RAB38: variants seen among roughly 807,000 people sequenced by gnomAD.
RAB38 encodes ras-related protein Rab-38.
A neutral mutation model predicts 18.4 loss-of-function variants in RAB38; 15 were observed. That is an observed-to-expected ratio of 0.82 (90% CI 0.55 to 1.26). The LOEUF is 1.26. RAB38 is among the 50% of genes most tolerant of loss of function. The pLI is 0.00. For missense variants in RAB38, 294 were observed against 267.4 expected, an observed-to-expected ratio of 1.10 and a Z score of -0.69; for synonymous variants, 101 against 104.4, an observed-to-expected ratio of 0.97 and a Z score of 0.20.
the RAB38 span, among the ~76,000 whole-genome samples, chr11:88,043,539 C>T: frequency 6.6e-6 from 1 of 152,166 alleles, no homozygotes; most frequent in African/African-American, 2.4e-5. Context: ...GAGGACATTA[C>T]CTTGTGAAAT....
chr11:87,977,368 A>T, the RAB38 span, among the ~76,000 whole-genome samples: 3 of 80,178 alleles, frequency 3.7e-5, no homozygotes, highest in Non-Finnish European at 7.3e-5. Flanking sequence ...GTATATTATA[A>T]AATTATATTA....
At chr11:88,036,013 T>C in the RAB38 span, among the ~76,000 whole-genome samples, 1 of 152,148 alleles carries the variant, frequency 6.6e-6, no homozygotes, top group African/African-American at 2.4e-5. Context: ...AAATTAAAAT[T>C]AAAATCCAGG....
At chr11:87,977,726 T>C in the RAB38 span, among the ~76,000 whole-genome samples, 1 of 80,834 alleles carries the variant, frequency 1.2e-5, no homozygotes, top group Admixed American at 2.2e-4. Context: ...ATATATTATA[T>C]GACATATGTT....
intron 2 of RAB38, among the ~76,000 whole-genome samples, chr11:88,121,737 T>C (rs1942631926): frequency 6.6e-6 from 1 of 152,194 alleles, no homozygotes; most frequent in Non-Finnish European, 1.5e-5. Context: ...TAATTTTTTG[T>C]ATTTTTAGTA....
the RAB38 span, among the ~76,000 whole-genome samples, chr11:87,869,317 GTAT>G: frequency 0.26 from 39,799 of 151,148 alleles, 7,149 homozygotes; most frequent in African/African-American, 0.51. Flanking sequence ...CATGTGGTGA[GTAT>G]TATTATCCTA....
the RAB38 span, among the ~76,000 whole-genome samples, chr11:88,043,733 G>A: frequency 5.9e-5 from 9 of 151,932 alleles, no homozygotes; most frequent in African/African-American, 2.2e-4. Flanking sequence ...CCTGCACCCA[G>A]GTGAAATAAA....
intron 1 of RAB38, among the ~76,000 whole-genome samples, chr11:88,155,248 C>T (rs1943111099): frequency 6.6e-6 from 1 of 152,300 alleles, no homozygotes; most frequent in Admixed American, 6.5e-5. Flanking sequence ...GAGCTCAGAC[C>T]ACTGTGCGTT....
At chr11:87,866,464 C>T in the RAB38 span, among the ~76,000 whole-genome samples, 1 of 151,686 alleles carries the variant, frequency 6.6e-6, no homozygotes, top group Non-Finnish European at 1.5e-5. Context: ...GTCAATCCTA[C>T]TTTGACTCTA....
At chr11:87,906,870 A>C in the RAB38 span, among the ~76,000 whole-genome samples, 1 of 151,930 alleles carries the variant, frequency 6.6e-6, no homozygotes, top group Non-Finnish European at 1.5e-5. Context: ...TTTTACACCT[A>C]CTAATACAAT....
chr11:88,142,050 T>C (rs1942921903), intron 2 of RAB38, among the ~76,000 whole-genome samples: 1 of 146,986 alleles, frequency 6.8e-6, no homozygotes. Context: ...GAGGCCATGG[T>C]GTAGATAGCT....
chr11:88,041,833 G>A, the RAB38 span, among the ~76,000 whole-genome samples: 1 of 152,054 alleles, frequency 6.6e-6, no homozygotes, highest in African/African-American at 2.4e-5. Flanking sequence ...TGCGACTGTG[G>A]TATGTATGAC....
chr11:87,859,471 C>T, the RAB38 span, among the ~76,000 whole-genome samples: 20 of 152,052 alleles, frequency 1.3e-4, no homozygotes, highest in African/African-American at 4.8e-4. Context: ...ACAGTTAAGA[C>T]ACCTTGATGG....
At chr11:87,846,590 A>AT in the RAB38 span, among the ~76,000 whole-genome samples, 1 of 152,042 alleles carries the variant, frequency 6.6e-6, no homozygotes, top group Non-Finnish European at 1.5e-5. Flanking sequence ...AAGAAATACA[A>AT]TTTTTTTGTC....
At chr11:88,077,806 C>G in the RAB38 span, among the ~76,000 whole-genome samples, 1 of 151,950 alleles carries the variant, frequency 6.6e-6, no homozygotes, top group East Asian at 1.9e-4. Context: ...ACTGAAAAAG[C>G]TTTTGCATAG....
the RAB38 span, among the ~76,000 whole-genome samples, chr11:88,095,639 AGCT>A: frequency 6.6e-6 from 1 of 151,906 alleles, no homozygotes; most frequent in Non-Finnish European, 1.5e-5. Context: ...ACTGTCTATA[AGCT>A]GATGAATTCC....
At chr11:88,146,302 T>TA (rs1942985449) in intron 2 of RAB38, among the ~76,000 whole-genome samples, 1 of 152,198 alleles carries the variant, frequency 6.6e-6, no homozygotes, top group African/African-American at 2.4e-5. Context: ...CTGATGATGA[T>TA]ACCTGAAGGA....
the RAB38 span, among the ~76,000 whole-genome samples, chr11:88,022,494 C>T: frequency 6.7e-6 from 1 of 149,664 alleles, no homozygotes; most frequent in South Asian, 2.1e-4. Flanking sequence ...GAAATTCTAG[C>T]TAGAGCAATC....
At chr11:88,110,768 C>T (rs1215547165), downstream of RAB38, among the ~76,000 whole-genome samples, 13 of 149,940 alleles carry the variant, frequency 8.7e-5, no homozygotes, top group South Asian at 2.1e-4. Flanking sequence ...AGTGAGCTAT[C>T]GCACCACTGC....
chr11:87,894,022 C>T, the RAB38 span, among the ~76,000 whole-genome samples: 1 of 151,664 alleles, frequency 6.6e-6, no homozygotes, highest in African/African-American at 2.4e-5. Flanking sequence ...GACATTTTAA[C>T]AACATTGAGT....
Sources: allele counts gnomAD v4.1 joint callset (sites outside exome capture counted in the v4.1 genomes callset), GRCh38; gene constraint gnomAD v4.1.1; transcripts MANE v1.5; gene names NCBI Gene and HGNC (gene_info 2026-07-23, HGNC 2026-07-21).